The following ARSG variants were observed in gnomAD, a reference collection of about 807,000 sequenced individuals.
ARSG encodes the protein ASG.
A neutral mutation model predicts 50.5 loss-of-function variants in ARSG; 37 were observed. That is an observed-to-expected ratio of 0.73 (90% CI 0.56 to 0.96). The LOEUF (loss-of-function observed/expected upper bound fraction) is 0.96. ARSG is among the 50% of genes least tolerant of loss of function. The probability of loss-of-function intolerance (pLI) is 0.00; values close to 1 mark genes in which losing one functional copy is unlikely to be tolerated. For missense variants in ARSG, 629 were observed against 675.3 expected (o/e 0.93, Z 0.76); for synonymous variants, 225 against 254.6 (o/e 0.88, Z 1.11).
intron 2 of ARSG, among the ~76,000 whole-genome samples, chr17:68,319,838 C>G (rs2077209370): frequency 6.6e-6 from 1 of 152,182 alleles, no homozygotes; most frequent in African/African-American, 2.4e-5. Context: ...ACTCCTTTTG[C>G]TTTTATAACC....
intron 1 of ARSG, among the ~76,000 whole-genome samples, chr17:68,276,673 C>T (rs1181336618): frequency 6.6e-6 from 1 of 152,074 alleles, no homozygotes; most frequent in Non-Finnish European, 1.5e-5. Flanking sequence ...AGGCTAGTCT[C>T]AAACTCTAGG....
chr17:68,352,845 T>G (rs1274123349), intron 5 of ARSG, among the ~76,000 whole-genome samples: 1 of 152,034 alleles, frequency 6.6e-6, no homozygotes, highest in African/African-American at 2.4e-5. Flanking sequence ...ATTTTCCTCT[T>G]TGTCATTGTA....
At chr17:68,333,631 A>AAATAATAATAATAAT (rs150655015) in intron 2 of ARSG, among the ~76,000 whole-genome samples, 1 of 142,732 alleles carries the variant, frequency 7.0e-6, no homozygotes, top group African/African-American at 2.6e-5. Context: ...TCTGTCTCAA[A>AAATAATAATAATAAT]AATAATAATA....
the ARSG span, among the ~76,000 whole-genome samples, chr17:68,448,111 G>A: frequency 1.3e-5 from 2 of 151,902 alleles, no homozygotes; most frequent in Admixed American, 1.3e-4. Flanking sequence ...GGAAGTAGCA[G>A]ACTGAGTGCT....
intron 1 of ARSG, among the ~76,000 whole-genome samples, chr17:68,300,147 TGTTGCCAAGGC>T (rs1157337324): frequency 1.3e-5 from 2 of 152,138 alleles, no homozygotes; most frequent in Admixed American, 6.5e-5. Context: ...GGTCTCGCTT[TGTTGCCAAGGC>T]TGGCCTCTAA....
At chr17:68,441,926 A>T in the ARSG span, among the ~76,000 whole-genome samples, 2 of 152,174 alleles carry the variant, frequency 1.3e-5, no homozygotes, top group African/African-American at 4.8e-5. Context: ...TACTCAACCT[A>T]TCCCTGGATC....
In ARSG at chr17:68,271,448, T is replaced by C; in HGVS notation, c.-552+12022T>C. The C allele has an allele frequency of 1.2e-6, 2 of 1,614,178 alleles. No individual in the cohort carries two copies. Among genetic ancestry groups the C allele is most frequent in the Non-Finnish European group, 1.7e-6 (2 of 1,180,028 alleles). On this transcript the variant is annotated intron_variant, in intron 1 of 11. Transcript: ENST00000448504. This position sits in a 1 kb window ranked among gnomAD's most constrained non-coding sequence, Gnocchi z 5.3. ...GTAGTTAGTTCTACTCCTGAGTCAATGGAGTCTATTGAGGTTCGTGTTTTC... is the reference window on the plus strand; with the variant it reads ...GTAGTTAGTTCTACTCCTGAGTCAACGGAGTCTATTGAGGTTCGTGTTTTC...
chr17:68,380,092 T>A (rs1179481855), intron 8 of ARSG, among the ~76,000 whole-genome samples: 1 of 152,150 alleles, frequency 6.6e-6, no homozygotes, highest in Non-Finnish European at 1.5e-5. Flanking sequence ...CTACTCAACG[T>A]GAAGACAACG....
At chr17:68,419,650 G>A (rs914989214) in intron 11 of ARSG, among the ~76,000 whole-genome samples, 2 of 152,186 alleles carry the variant, frequency 1.3e-5, no homozygotes, top group South Asian at 2.1e-4. Context: ...CTGAAGGCGA[G>A]TTCAAGGAGA....
intron 2 of ARSG, among the ~76,000 whole-genome samples, chr17:68,313,312 C>T (rs183009783): frequency 5.9e-5 from 9 of 152,188 alleles, no homozygotes; most frequent in East Asian, 1.9e-4. Context: ...TTTCACAGTT[C>T]GGAGAGCCAG....
At chr17:68,295,900 G>A (rs1248824054) in intron 1 of ARSG, among the ~76,000 whole-genome samples, 3 of 151,832 alleles carry the variant, frequency 2.0e-5, no homozygotes, top group Non-Finnish European at 2.9e-5. Context: ...GGCTGGTCTC[G>A]AACTCCTGGC....
At chr17:68,289,674 G>C (rs1188622176), upstream of ARSG, among the ~76,000 whole-genome samples, 1 of 152,196 alleles carries the variant, frequency 6.6e-6, no homozygotes, top group Non-Finnish European at 1.5e-5. Flanking sequence ...AACCTGGATA[G>C]CTGCCTCACG....
chr17:68,282,779 T>TAAAAAAAAAAAAA lies in ARSG; in HGVS notation c.-552+23362_-552+23374dup, dbSNP rs36155626. ...CAACATAGTGAAACCCCATCTCTAC[T>TAAAAAAAAAAAAA]AAAAAAAAAAAAAAAAAAAAAGGCC... On this transcript the variant is annotated intron_variant, in intron 1 of 11. Coordinates refer to the ARSG transcript ENST00000448504. 1.3e-4 allele frequency among the ~76,000 whole-genome samples: 7 copies of TAAAAAAAAAAAAA among 53,400 alleles called. No homozygotes were observed. In the East Asian group the frequency reaches 1.6e-3, roughly 12 times the overall value. The allele number at this position is 53,400 out of a possible 152,430, so 35.0% of individuals were successfully genotyped here.
Position 68,351,790 on chromosome 17 carries a change from G to A in ARSG, c.566+104G>A, listed in dbSNP as rs114831642. ...AAAGATGCAGACAGGAAACAGTTAA[G>A]ACGGCAAATAAGATACACGGTACAT... On this transcript the variant is annotated intron_variant, in intron 5 of 11. Coordinates refer to ENST00000621439, the MANE Select transcript of ARSG (RefSeq NM_001267727.2). 1.5e-3 allele frequency: 1,149 copies of A among 768,498 alleles called. 7 individuals carry two copies. The African/African-American group carries it at 0.018, about 12-fold the overall frequency. The allele number at this position is 768,498 out of a possible 1,614,324, so 47.6% of individuals were successfully genotyped here. A position where few individuals can be genotyped will look rare whatever the true frequency, so the allele number is the denominator to read the frequency against.
At chr17:68,275,062 G>A (rs1441342024) in intron 1 of ARSG, among the ~76,000 whole-genome samples, 2 of 152,200 alleles carry the variant, frequency 1.3e-5, no homozygotes, top group Admixed American at 1.3e-4. Context: ...TTACAGGCGT[G>A]AGCCACCGCG....
intron 2 of ARSG, among the ~76,000 whole-genome samples, chr17:68,318,913 T>C (rs2077174349): frequency 1.3e-5 from 2 of 152,168 alleles, no homozygotes; most frequent in South Asian, 4.1e-4. Context: ...ACACTTGGCT[T>C]GATTTGTGTT....
At chr17:68,390,668 G>T (rs1432546462) in intron 9 of ARSG, among the ~76,000 whole-genome samples, 2 of 152,034 alleles carry the variant, frequency 1.3e-5, no homozygotes, top group Non-Finnish European at 2.9e-5. Flanking sequence ...TTGTCACTCA[G>T]GCTGGAGTGC....
chr17:68,422,704 G>A (rs1443342179), downstream of ARSG: 1 of 129,366 alleles, frequency 7.7e-6, no homozygotes, highest in Non-Finnish European at 1.6e-5. Context: ...ATTCTAGCCT[G>A]AGGGACAGAG....
At position 68,269,673 on chromosome 17, in the gene ARSG, G is replaced by GTTTTTTT. The variant is rs782421181; in HGVS notation, c.-552+10259_-552+10265dup. On this transcript the variant is annotated intron_variant, in intron 1 of 11. Coordinates refer to the ARSG transcript ENST00000448504. ...TTATTTTCACTTGAGTTCACTTTAG[G>GTTTTTTT]TTTTTTTTTTTTTTTTTTAGACAGA... is the stretch of plus-strand genomic sequence containing the variant. Among the ~76,000 whole-genome samples the GTTTTTTT allele has an allele frequency of 2.8e-4, 22 of 77,898 alleles. 3 individuals carry two copies. Among genetic ancestry groups the GTTTTTTT allele is most frequent in the South Asian group, 4.9e-4 (1 of 2,042 alleles). The allele number at this position is 77,898 out of a possible 152,430, so 51.1% of individuals were successfully genotyped here.
Sources: gnomAD v4.1 joint callset for allele counts (sites outside exome capture counted in the v4.1 genomes callset) on GRCh38, gnomAD v4.1.1 for gene constraint, Gnocchi (gnomAD v3.1) non-coding constraint, MANE v1.5 for transcripts, NCBI Gene and HGNC (gene_info 2026-07-23, HGNC 2026-07-21) for gene names.